The following ATG13 variants were observed in gnomAD, a reference collection of about 807,000 sequenced individuals.
The protein encoded by ATG13 is autophagy related 13.
In ATG13, 23 loss-of-function variants were observed where a neutral mutation model predicts 65.5. The observed-to-expected ratio is 0.35, with a 90% CI of 0.25 to 0.50. The LOEUF is 0.50. Ranked by LOEUF, ATG13 falls within the 20% of genes least tolerant of loss-of-function variation. The pLI is 0.98. For synonymous variants in ATG13, 252 were observed against 245.2 expected, an observed-to-expected ratio of 1.03 and a Z score of -0.26; for missense variants, 566 against 677.0, an observed-to-expected ratio of 0.84 and a Z score of 1.82.
In ATG13 at chr11:46,668,920, C is replaced by T. The variant is rs534486782; in HGVS notation, c.1446+10C>T. Reference sequence around the variant, plus strand: ...TGTTATGATAGACTTTGTAAGTCGCCGTCACCTTCCTTGACCTTTGCTGTC... The same window carrying T: ...TGTTATGATAGACTTTGTAAGTCGCTGTCACCTTCCTTGACCTTTGCTGTC... On this transcript the variant is annotated intron_variant, in intron 17 of 18. Transcript: ENST00000683050. 5.0e-6 allele frequency: 8 copies of T among 1,598,312 alleles called. No individual in the cohort carries two copies. The highest frequency in any genetic ancestry group is 2.2e-5 in the East Asian group (1 of 44,806).
intron 18 of ATG13, among the ~76,000 whole-genome samples, chr11:46,670,938 A>C (rs1344777226): frequency 1.3e-5 from 2 of 152,130 alleles, no homozygotes; most frequent in African/African-American, 4.8e-5. Context: ...CAGATGAGAA[A>C]ACCAACAATG....
intron 1 of ATG13, among the ~76,000 whole-genome samples, chr11:46,622,534 T>C (rs528138134): frequency 1.4e-4 from 22 of 152,292 alleles, no homozygotes; most frequent in Non-Finnish European, 3.1e-4. Flanking sequence ...AAAAACAAAA[T>C]TTTAAAGCAA....
chr11:46,673,050 G>C lies in ATG13; in HGVS notation c.*718G>C. 1 of 195,990 alleles carries C rather than the reference G, an allele frequency of 5.1e-6. No homozygotes were observed. Among genetic ancestry groups the C allele is most frequent in the South Asian group, 8.1e-5 (1 of 12,334 alleles). 12.1% of individuals were successfully genotyped at this position (195,990 alleles called of 1,614,324 possible). ...TGGCACCCTGAATCTCTAGGATTTT[G>C]TCACTTGGAGTCACAGCAAAGTTCT... is the stretch of plus-strand genomic sequence containing the variant. On this transcript the variant is annotated 3_prime_UTR_variant, in exon 19 of 19. Coordinates refer to ENST00000683050, the MANE Select transcript of ATG13 (RefSeq NM_001346311.2).
chr11:46,663,683 G>T (rs2061651051), intron 11 of ATG13, among the ~76,000 whole-genome samples: 1 of 152,230 alleles, frequency 6.6e-6, no homozygotes, highest in East Asian at 1.9e-4. Context: ...AGTAGAGACA[G>T]ACTAATGGTT....
intron 1 of ATG13, among the ~76,000 whole-genome samples, chr11:46,620,777 A>C (rs1414258166): frequency 6.6e-6 from 1 of 152,108 alleles, no homozygotes; most frequent in East Asian, 1.9e-4. Context: ...CTCCATCTCA[A>C]GAAAAAGAAA....
chr11:46,665,220 T>G (rs1301414142), intron 13 of ATG13, among the ~76,000 whole-genome samples, 163 bp from the exon 14 acceptor site: 2 of 152,248 alleles, frequency 1.3e-5, no homozygotes, highest in African/African-American at 4.8e-5. Flanking sequence ...ATTTCTTCCA[T>G]TAACTGAGTT....
At chr11:46,645,680 T>C (rs1415646127) in intron 4 of ATG13, among the ~76,000 whole-genome samples, 190 bp from the exon 5 acceptor site, 1 of 152,246 alleles carries the variant, frequency 6.6e-6, no homozygotes, top group African/African-American at 2.4e-5. Context: ...ATTTTTGTAA[T>C]GATAATTACC....
At chr11:46,657,732 G>C in intron 10 of ATG13, 110 bp downstream of exon 10, 1 of 957,912 alleles carries the variant, frequency 1.0e-6, no homozygotes, top group Non-Finnish European at 1.5e-6. Context: ...TGGGCAGGGG[G>C]CCACTGATGG....
chr11:46,657,226 C>A, intron 9 of ATG13, 35 bp downstream of exon 9: 1 of 1,573,096 alleles, frequency 6.4e-7, no homozygotes, highest in Non-Finnish European at 8.7e-7. Context: ...AAGAACTCTT[C>A]CGAAAATGTT....
chr11:46,656,008 A>G (rs2059977858), intron 7 of ATG13, among the ~76,000 whole-genome samples: 1 of 152,196 alleles, frequency 6.6e-6, no homozygotes, highest in Non-Finnish European at 1.5e-5. Context: ...GGCATGAGCC[A>G]CTGTGCCTGG....
chr11:46,646,133 T>A, intron 5 of ATG13, 144 bp downstream of exon 5: 2 of 1,215,334 alleles, frequency 1.6e-6, no homozygotes, highest in African/African-American at 3.1e-5. Context: ...TTTTTTTTGT[T>A]CTTTTTTGTT....
intron 2 of ATG13, among the ~76,000 whole-genome samples, chr11:46,635,223 C>T (rs769571783): frequency 9.2e-5 from 14 of 151,534 alleles, no homozygotes; most frequent in Non-Finnish European, 1.5e-5. Flanking sequence ...CCAGGCTGGT[C>T]TCGAACTCCT....
At chr11:46,633,226 A>G (rs1357025389) in intron 2 of ATG13, among the ~76,000 whole-genome samples, 2 of 149,784 alleles carry the variant, frequency 1.3e-5, no homozygotes, top group African/African-American at 2.5e-5. Flanking sequence ...GGGCTTCACC[A>G]TGTTGGTCAG....
intron 2 of ATG13, among the ~76,000 whole-genome samples, chr11:46,633,026 AT>A (rs746504456): frequency 0.01 from 914 of 90,656 alleles, 8 homozygotes; most frequent in African/African-American, 0.045. Flanking sequence ...ATATATATAT[AT>A]TTTTTTTTTT....
At chr11:46,659,244 T>C (rs1419628942) in intron 10 of ATG13, 148 bp from the exon 11 acceptor site, 1 of 592,392 alleles carries the variant, frequency 1.7e-6, no homozygotes, top group Non-Finnish European at 3.0e-6. Context: ...TTGAAATTAT[T>C]GAGGACTCCA....
At chr11:46,666,820 C>T (rs1262918091) in intron 14 of ATG13, among the ~76,000 whole-genome samples, 2 of 152,114 alleles carry the variant, frequency 1.3e-5, no homozygotes, top group Admixed American at 1.3e-4. Flanking sequence ...TTACTTTGCC[C>T]CCTCACATTC....
intron 1 of ATG13, among the ~76,000 whole-genome samples, chr11:46,620,310 G>T (rs1458056682): frequency 6.6e-6 from 1 of 151,050 alleles, no homozygotes; most frequent in Non-Finnish European, 1.5e-5. Context: ...GGCCAGGCTG[G>T]TCTCCAACTC....
chr11:46,668,942 T>A, intron 17 of ATG13, 32 bp downstream of exon 17: 2 of 1,538,212 alleles, frequency 1.3e-6, no homozygotes, highest in Non-Finnish European at 1.8e-6. Context: ...TGACCTTTGC[T>A]GTCCCGGGGA....
intron 2 of ATG13, among the ~76,000 whole-genome samples, chr11:46,637,090 T>C (rs940812037): frequency 3.3e-5 from 5 of 152,158 alleles, no homozygotes; most frequent in Admixed American, 6.5e-5. Context: ...TAAGGGGTAT[T>C]AAGGAGTGGC....
Sources: allele counts gnomAD v4.1 joint callset (sites outside exome capture counted in the v4.1 genomes callset), GRCh38; gene constraint gnomAD v4.1.1; transcripts MANE v1.5; gene names NCBI Gene and HGNC (gene_info 2026-07-23, HGNC 2026-07-21).